PELI2: variants seen among roughly 807,000 people sequenced by gnomAD.
PELI2 encodes the protein pellino E3 ubiquitin protein ligase family member 2.
In PELI2, 23 loss-of-function variants were observed where a neutral mutation model predicts 42.3. The observed-to-expected ratio is 0.54, with a 90% CI of 0.39 to 0.77. The LOEUF (loss-of-function observed/expected upper bound fraction) is 0.77. PELI2 is among the 30% of genes least tolerant of loss of function. The pLI, the probability that PELI2 is intolerant of heterozygous loss-of-function variation, is 0.00. For missense variants in PELI2, 463 were observed against 553.2 expected, an observed-to-expected ratio of 0.84 and a Z score of 1.64; for synonymous variants, 245 against 212.2, an observed-to-expected ratio of 1.15 and a Z score of -1.34.
chr14:56,250,922 A>G (rs1424382975), intron 2 of PELI2, among the ~76,000 whole-genome samples: 2 of 152,220 alleles, frequency 1.3e-5, no homozygotes, highest in Non-Finnish European at 2.9e-5. Flanking sequence ...GAAGGAGGTG[A>G]GGGAAGCAAG....
chr14:56,220,983 C>T (rs759953000), intron 2 of PELI2, among the ~76,000 whole-genome samples: 6 of 152,128 alleles, frequency 3.9e-5, no homozygotes, highest in Non-Finnish European at 7.3e-5. Context: ...ACATAGCCCT[C>T]GTTTATAAGC....
intron 1 of PELI2, among the ~76,000 whole-genome samples, chr14:56,121,840 A>G (rs1008364325): frequency 3.3e-5 from 5 of 152,222 alleles, no homozygotes; most frequent in African/African-American, 1.2e-4. Flanking sequence ...GCGCAAATGT[A>G]GAAACTATTT....
chr14:56,271,301 T>C (rs242587), intron 2 of PELI2, among the ~76,000 whole-genome samples: 138,429 of 152,250 alleles, frequency 0.91, 63,214 homozygotes, highest in Middle Eastern at 0.95. Context: ...TGTTTCTGAA[T>C]AACAAAGGTT....
At chr14:56,207,115 G>A (rs1268628805) in intron 2 of PELI2, among the ~76,000 whole-genome samples, 1 of 151,970 alleles carries the variant, frequency 6.6e-6, no homozygotes, top group African/African-American at 2.4e-5. Flanking sequence ...ATTCATGAAT[G>A]GTATCTTTTC....
intron 2 of PELI2, among the ~76,000 whole-genome samples, chr14:56,190,804 G>A (rs902754544): frequency 2.0e-5 from 3 of 152,120 alleles, no homozygotes; most frequent in South Asian, 2.1e-4. Context: ...AATTATTAAA[G>A]GTATTTTAAC....
chr14:56,144,239 C>G (rs535375711), intron 1 of PELI2, among the ~76,000 whole-genome samples: 1 of 152,164 alleles, frequency 6.6e-6, no homozygotes, highest in East Asian at 1.9e-4. Flanking sequence ...AGGATTCAAC[C>G]AGAGAAACAG....
chr14:56,242,832 T>C (rs1381273180), intron 2 of PELI2, among the ~76,000 whole-genome samples: 2 of 152,088 alleles, frequency 1.3e-5, no homozygotes, highest in African/African-American at 4.8e-5. Context: ...AAGGATGTAA[T>C]GGACTTTGGG....
chr14:56,255,797 T>G (rs1175145108), intron 2 of PELI2, among the ~76,000 whole-genome samples: 1 of 152,084 alleles, frequency 6.6e-6, no homozygotes, highest in Non-Finnish European at 1.5e-5. Context: ...CTAATCTTAT[T>G]ATGCAAATGA....
chr14:56,178,929 G>A (rs933841424), intron 2 of PELI2, among the ~76,000 whole-genome samples: 1 of 152,178 alleles, frequency 6.6e-6, no homozygotes, highest in African/African-American at 2.4e-5. Flanking sequence ...ATTGAGTGTA[G>A]TAGGTGGTTT....
At chr14:56,179,400 T>C (rs1373918290) in intron 2 of PELI2, among the ~76,000 whole-genome samples, 3 of 152,184 alleles carry the variant, frequency 2.0e-5, no homozygotes, top group Non-Finnish European at 4.4e-5. Context: ...AATGTAAACA[T>C]AGATCACCTT....
At chr14:56,192,153 C>A (rs1251996556) in intron 2 of PELI2, among the ~76,000 whole-genome samples, 1 of 152,148 alleles carries the variant, frequency 6.6e-6, no homozygotes, top group Non-Finnish European at 1.5e-5. Flanking sequence ...CCGCACTTGG[C>A]CAAGATTTTT....
chr14:56,224,384 C>T (rs1025300035), intron 2 of PELI2, among the ~76,000 whole-genome samples: 7 of 152,184 alleles, frequency 4.6e-5, no homozygotes, highest in African/African-American at 1.7e-4. Context: ...GTGGTCTGCA[C>T]AGTTAATAAG....
chr14:56,282,557 G>A (rs1594712543), intron 3 of PELI2, among the ~76,000 whole-genome samples: 1 of 151,784 alleles, frequency 6.6e-6, no homozygotes, highest in Admixed American at 6.6e-5. Flanking sequence ...TTCGATTTTT[G>A]GAACTATGCG....
rs150224163 is a variant in PELI2, at chr14:56,141,146, C to G, written c.77+22409C>G. Among the ~76,000 whole-genome samples the G allele has an allele frequency of 2.0e-5, 3 of 152,280 alleles. No individual in the cohort carries two copies. In the East Asian group the frequency reaches 5.8e-4, roughly 29 times the overall value. ...ACAGTTTCCTGGGAAGTCTGGGATTCCGTTGCATAGATGAAACTAAAACTT... is the reference window on the plus strand; with the variant it reads ...ACAGTTTCCTGGGAAGTCTGGGATTGCGTTGCATAGATGAAACTAAAACTT... On this transcript the variant is annotated intron_variant, in intron 1 of 5. Transcript: ENST00000267460.
At chr14:56,296,100 T>C (rs920260522) in intron 5 of PELI2, among the ~76,000 whole-genome samples, 1 of 152,202 alleles carries the variant, frequency 6.6e-6, no homozygotes, top group African/African-American at 2.4e-5. Context: ...TGATGAAAGA[T>C]AGATTCAAGG....
chr14:56,147,108 C>A (rs1884152815), intron 1 of PELI2, among the ~76,000 whole-genome samples: 2 of 152,288 alleles, frequency 1.3e-5, no homozygotes, highest in Non-Finnish European at 2.9e-5. Flanking sequence ...CATTAGTCAT[C>A]CATGTTGTAG....
chr14:56,285,461 G>A (rs1021089328), intron 3 of PELI2, among the ~76,000 whole-genome samples: 1 of 152,006 alleles, frequency 6.6e-6, no homozygotes, highest in African/African-American at 2.4e-5. Flanking sequence ...TGGGTGTGCC[G>A]GTCTGAAGCT....
Position 56,121,767 on chromosome 14 carries a change from A to G in PELI2, c.77+3030A>G, listed in dbSNP as rs145198301. On this transcript the variant is annotated intron_variant, in intron 1 of 5. Transcript: ENST00000267460. ...CTGTTTCTTTATCAATTTGCAAAAT[A>G]TGATTGGATTAGGTAGGCTTCAAGA... Among the ~76,000 whole-genome samples, 7 of 152,288 alleles carry G rather than the reference A, an allele frequency of 4.6e-5. No homozygotes were observed. The East Asian group carries it at 1.4e-3, about 29-fold the overall frequency.
At chr14:56,295,143 G>C (rs144253001) in intron 5 of PELI2, among the ~76,000 whole-genome samples, 7 of 152,144 alleles carry the variant, frequency 4.6e-5, no homozygotes, top group Non-Finnish European at 7.4e-5. Flanking sequence ...GACTGTCTTT[G>C]TTGAGGTGTA....
Sources: allele counts gnomAD v4.1 joint callset (sites outside exome capture counted in the v4.1 genomes callset), GRCh38; gene constraint gnomAD v4.1.1; transcripts MANE v1.5; gene names NCBI Gene and HGNC (gene_info 2026-07-23, HGNC 2026-07-21).